Variants in MAML2 observed in about 807,000 individuals in gnomAD.
MAML2 encodes the protein mastermind like transcriptional coactivator 2, also known as mastermind-like protein 2.
MAML2 carries 22 observed loss-of-function variants against 96.1 expected under a neutral mutation model. The ratio of observed to expected loss-of-function variants is 0.23; its 90% CI spans 0.16 to 0.33. The LOEUF is 0.33. MAML2 is among the 10% of genes least tolerant of loss of function. MAML2 has a pLI of 1.00. For synonymous variants in MAML2, 561 were observed against 521.3 expected (o/e 1.08, Z -1.04); for missense variants, 1,367 against 1,392.4 (o/e 0.98, Z 0.29).
At chr11:96,004,450 A>G (rs958850269) in intron 2 of MAML2, among the ~76,000 whole-genome samples, 2 of 152,096 alleles carry the variant, frequency 1.3e-5, no homozygotes, top group East Asian at 3.9e-4. Context: ...TTGGGAATAA[A>G]AAAAACCCAG....
At chr11:95,994,949 C>T (rs1857969915) in intron 2 of MAML2, among the ~76,000 whole-genome samples, 1 of 152,182 alleles carries the variant, frequency 6.6e-6, no homozygotes, top group Non-Finnish European at 1.5e-5. Flanking sequence ...GAAGTTAATT[C>T]ACCTCTCTAA....
At chr11:96,334,055 A>G (rs952850859) in intron 1 of MAML2, among the ~76,000 whole-genome samples, 1 of 152,210 alleles carries the variant, frequency 6.6e-6, no homozygotes, top group Non-Finnish European at 1.5e-5. Context: ...AAGAGGTAGT[A>G]CTTGGTCCCA....
chr11:96,071,508 T>C (rs960295844), intron 2 of MAML2, among the ~76,000 whole-genome samples: 3 of 152,262 alleles, frequency 2.0e-5, no homozygotes, highest in African/African-American at 7.2e-5. Context: ...CAGTTGCTCC[T>C]ATTTAGGAGA....
intron 2 of MAML2, among the ~76,000 whole-genome samples, chr11:96,060,172 T>A (rs1859132774): frequency 6.6e-6 from 1 of 152,198 alleles, no homozygotes; most frequent in Non-Finnish European, 1.5e-5. Context: ...GTGTTCAAGT[T>A]GAAAATCGTT....
At chr11:96,095,849 C>A (rs1859817522) in intron 1 of MAML2, among the ~76,000 whole-genome samples, 1 of 152,160 alleles carries the variant, frequency 6.6e-6, no homozygotes, top group African/African-American at 2.4e-5. Context: ...GCTAGGCATG[C>A]TTTGTACCTG....
intron 2 of MAML2, among the ~76,000 whole-genome samples, chr11:96,090,252 G>A (rs1278781937): frequency 2.0e-5 from 3 of 152,074 alleles, no homozygotes; most frequent in Non-Finnish European, 4.4e-5. Context: ...GTTAGAACTT[G>A]GGATTTACTC....
chr11:96,312,365 A>G (rs1024501735), intron 1 of MAML2, among the ~76,000 whole-genome samples: 6 of 152,104 alleles, frequency 3.9e-5, no homozygotes, highest in Middle Eastern at 3.2e-3. Flanking sequence ...TAATCACCCA[A>G]TGAGAATCCA....
In MAML2 at chr11:96,341,754, G is replaced by T. The variant is rs756348917; in HGVS notation, c.142C>A (p.Arg48Ser). ...ERLRARIAVC[R>S]QHHLSCEGRY... ...CCTTCACAGCTCAGGTGGTGTTGGC[G>T]GCAGACAGCGATCCGAGCCCGGAGG... Residue 48 changes from arginine (R) to serine (S), a missense_variant, in exon 1 of 5, where the codon CGC (arginine) becomes AGC (serine). Physicochemically the swap from Arg to Ser is moderately radical, Grantham distance 110. Coordinates refer to ENST00000524717, the MANE Select transcript of MAML2 (RefSeq NM_032427.4). 5 of 1,612,754 alleles carry T rather than the reference G, an allele frequency of 3.1e-6. No homozygotes were observed. Among genetic ancestry groups the T allele is most frequent in the Non-Finnish European group, 4.2e-6 (5 of 1,179,682 alleles).
intron 1 of MAML2, among the ~76,000 whole-genome samples, chr11:96,307,877 A>G (rs185918070): frequency 4.0e-4 from 61 of 152,310 alleles, no homozygotes; most frequent in African/African-American, 1.3e-3. Context: ...GTTCAGGAAC[A>G]GAACTAATAG....
At chr11:95,981,779 C>A (rs1392949760) in intron 4 of MAML2, among the ~76,000 whole-genome samples, 1 of 152,112 alleles carries the variant, frequency 6.6e-6, no homozygotes, top group Non-Finnish European at 1.5e-5. Flanking sequence ...GCAATATCAT[C>A]TTTGTATCTG....
At chr11:96,164,357 C>T (rs572030751) in intron 1 of MAML2, among the ~76,000 whole-genome samples, 110 of 152,160 alleles carry the variant, frequency 7.2e-4, no homozygotes, top group African/African-American at 2.5e-3. Context: ...AAAGCAAGAC[C>T]CAGAGAATAC....
chr11:96,059,972 G>A (rs1859129688), intron 2 of MAML2, among the ~76,000 whole-genome samples: 1 of 152,138 alleles, frequency 6.6e-6, no homozygotes, highest in Non-Finnish European at 1.5e-5. Flanking sequence ...GCTAAAAGGT[G>A]CTGGGGGATC....
intron 1 of MAML2, among the ~76,000 whole-genome samples, chr11:96,159,651 C>G (rs927587663): frequency 6.6e-6 from 1 of 152,048 alleles, no homozygotes; most frequent in Non-Finnish European, 1.5e-5. Context: ...GTCTCGATCT[C>G]CTGACCTCGT....
intron 1 of MAML2, among the ~76,000 whole-genome samples, chr11:96,258,677 A>T (rs965107961): frequency 6.6e-6 from 1 of 152,200 alleles, no homozygotes; most frequent in Non-Finnish European, 1.5e-5. Flanking sequence ...AAGTTGCCAG[A>T]TCCTCCATGC....
At chr11:96,042,434 T>C (rs951799976) in intron 2 of MAML2, among the ~76,000 whole-genome samples, 15 of 152,146 alleles carry the variant, frequency 9.9e-5, no homozygotes, top group Admixed American at 1.3e-4. Flanking sequence ...TTCTCTTTTT[T>C]CTCAGGGACT....
chr11:96,201,796 G>A (rs1342868525), intron 1 of MAML2, among the ~76,000 whole-genome samples: 2 of 151,672 alleles, frequency 1.3e-5, no homozygotes, highest in African/African-American at 4.8e-5. Context: ...GCGGGCACCT[G>A]TAGTCCCAGC....
At chr11:96,094,911 T>C (rs1411282797) in intron 1 of MAML2, among the ~76,000 whole-genome samples, 2 of 152,208 alleles carry the variant, frequency 1.3e-5, no homozygotes, top group Non-Finnish European at 2.9e-5. Flanking sequence ...CTAGGTAGAC[T>C]AATCAAGAAA....
At chr11:96,211,274 G>A (rs548561184) in intron 1 of MAML2, among the ~76,000 whole-genome samples, 2 of 152,148 alleles carry the variant, frequency 1.3e-5, no homozygotes, top group South Asian at 4.1e-4. Flanking sequence ...GGGGTGTTAG[G>A]TGAATTATTC....
At chr11:96,151,149 A>G (rs1189265365) in intron 1 of MAML2, among the ~76,000 whole-genome samples, 2 of 152,082 alleles carry the variant, frequency 1.3e-5, no homozygotes, top group Admixed American at 6.6e-5. Context: ...ACTTTCTTCT[A>G]GCCTACCGGG....
Sources: allele counts gnomAD v4.1 joint callset (sites outside exome capture counted in the v4.1 genomes callset), GRCh38; gene constraint gnomAD v4.1.1; transcripts MANE v1.5; gene names NCBI Gene and HGNC (gene_info 2026-07-23, HGNC 2026-07-21).